The following SLC5A3 variants were observed in gnomAD, a reference collection of about 807,000 sequenced individuals.
The protein encoded by SLC5A3 is sodium/myo-inositol cotransporter.
A neutral mutation model predicts 43.2 loss-of-function variants in SLC5A3; 10 were observed. The ratio of observed to expected loss-of-function variants is 0.23; its 90% CI spans 0.14 to 0.39. The LOEUF is 0.39. Ranked by LOEUF, SLC5A3 falls within the 10% of genes least tolerant of loss-of-function variation. The pLI is 1.00. For missense variants in SLC5A3, 608 were observed against 893.4 expected (o/e 0.68, Z 4.07); for synonymous variants, 349 against 322.0 (o/e 1.08, Z -0.90).
chr21:34,091,546 G>C (rs1978694780), intron 1 of SLC5A3, among the ~76,000 whole-genome samples: 1 of 151,900 alleles, frequency 6.6e-6, no homozygotes, highest in South Asian at 2.1e-4. Flanking sequence ...TTTAAATTTG[G>C]TCTTACCTTT....
At position 34,073,630 on chromosome 21, in the gene SLC5A3, C is replaced by T. The variant is rs945274632; in HGVS notation, c.-452C>T. ...GCAGCAGTTTCTAGGTCCCCACTGT[C>T]CCCGCCGTCCCGCCCCTTCGCGTCC... On this transcript the variant is annotated 5_prime_UTR_variant, in exon 1 of 2. Transcript: ENST00000381151. 3.6e-6 allele frequency: 5 copies of T among 1,372,348 alleles called. No homozygotes were observed. The African/African-American group carries it at 4.5e-5, about 12-fold the overall frequency. 85.0% of individuals were successfully genotyped at this position (1,372,348 alleles called of 1,614,324 possible).
chr21:34,076,230 G>A (rs537374187), intron 1 of SLC5A3, among the ~76,000 whole-genome samples: 1 of 152,304 alleles, frequency 6.6e-6, no homozygotes. Context: ...TCAGCCTGGA[G>A]AGCATTCTTA....
chr21:34,078,804 A>G (rs1323514793), intron 1 of SLC5A3, among the ~76,000 whole-genome samples: 2 of 152,252 alleles, frequency 1.3e-5, no homozygotes, highest in Non-Finnish European at 2.9e-5. Flanking sequence ...TACTCATGTT[A>G]TAAAAAGTTG....
rs1406909593 is a variant in SLC5A3 at position 34,099,044 on chromosome 21, AT to A, written c.*1691del. The stretch of plus-strand genomic sequence containing the variant: ...AACTAGTTTCATTATGATGGACTTG[AT>A]TAGTCCAAAGTTAATTTTAGAAATT... On this transcript the variant is annotated 3_prime_UTR_variant, in exon 2 of 2. Coordinates refer to ENST00000381151, the MANE Select transcript of SLC5A3 (RefSeq NM_006933.7). 1 of 990,970 alleles carries A rather than the reference AT, an allele frequency of 1.0e-6. No individual in the cohort carries two copies. The highest frequency in any genetic ancestry group is 1.8e-5 in the African/African-American group (1 of 57,044). 61.4% of individuals were successfully genotyped at this position (990,970 alleles called of 1,614,324 possible).
Position 34,100,057 on chromosome 21 carries a change from G to A in SLC5A3, c.*2702G>A. The A allele has an allele frequency of 4.0e-6, 4 of 993,858 alleles. No homozygotes were observed. The highest frequency in any genetic ancestry group is 4.9e-6 in the Non-Finnish European group (4 of 824,264). The allele number at this position is 993,858 out of a possible 1,614,324, so 61.6% of individuals were successfully genotyped here. A position where few individuals can be genotyped will look rare whatever the true frequency, so the allele number is the denominator to read the frequency against. The stretch of plus-strand genomic sequence containing the variant: ...AAATGGGTCCTAAATGATGACATTG[G>A]TCTTTAGACATTAACATGTGTATAT... On this transcript the variant is annotated 3_prime_UTR_variant, in exon 2 of 2. Coordinates refer to ENST00000381151, the MANE Select transcript of SLC5A3 (RefSeq NM_006933.7).
chr21:34,090,027 C>G (rs566643857), intron 1 of SLC5A3, among the ~76,000 whole-genome samples: 17 of 152,120 alleles, frequency 1.1e-4, no homozygotes, highest in Non-Finnish European at 2.1e-4. Flanking sequence ...CATCCCAAAC[C>G]CAAAATGCTC....
rs914038311 is a variant in SLC5A3, at chr21:34,099,441, T to C, written c.*2086T>C. On this transcript the variant is annotated 3_prime_UTR_variant, in exon 2 of 2. Coordinates refer to ENST00000381151, the MANE Select transcript of SLC5A3 (RefSeq NM_006933.7). ...TTCCTTTGGGACAACCTTTTGGTGT[T>C]TGGGAAAGTAATAAGATCTTGGATT... is the stretch of plus-strand genomic sequence containing the variant. 5.2e-5 allele frequency: 52 copies of C among 1,000,086 alleles called. No homozygotes were observed. Among genetic ancestry groups the C allele is most frequent in the Non-Finnish European group, 6.0e-5 (50 of 829,956 alleles). The allele number at this position is 1,000,086 out of a possible 1,614,324, so 62.0% of individuals were successfully genotyped here.
chr21:34,088,869 GA>G (rs993020419), intron 1 of SLC5A3, among the ~76,000 whole-genome samples: 5 of 150,634 alleles, frequency 3.3e-5, no homozygotes, highest in African/African-American at 4.9e-5. Context: ...GTTAGTGTAA[GA>G]TTTTTTTTTT....
chr21:34,076,237 C>A (rs965295340), intron 1 of SLC5A3, among the ~76,000 whole-genome samples: 4 of 152,126 alleles, frequency 2.6e-5, no homozygotes, highest in Non-Finnish European at 5.9e-5. Flanking sequence ...GGAGAGCATT[C>A]TTAGTCTGTT....
chr21:34,093,419 A>T (rs1211243587), intron 1 of SLC5A3, among the ~76,000 whole-genome samples: 1 of 152,152 alleles, frequency 6.6e-6, no homozygotes, highest in African/African-American at 2.4e-5. Flanking sequence ...ATTAGACCTA[A>T]GAACCTAATT....
Position 34,096,983 on chromosome 21 carries a change from T to C in SLC5A3, c.1785T>C (p.Ile595=), listed in dbSNP as rs1312390397. ...IIPNGKSEDS[I]KGLQPEDVNL... ...CCAACGGGAAATCTGAAGACAGCATTAAGGGCCTTCAGCCTGAAGATGTTA... is the reference window on the plus strand; with the variant it reads ...CCAACGGGAAATCTGAAGACAGCATCAAGGGCCTTCAGCCTGAAGATGTTA... Residue 595 remains isoleucine, a synonymous_variant, in exon 2 of 2, where the codon ATT becomes ATC. Transcript: ENST00000381151. This position sits in a 1 kb window ranked among gnomAD's most constrained non-coding sequence, Gnocchi z 5.9. 3.1e-6 allele frequency: 5 copies of C among 1,613,906 alleles called. No individual in the cohort carries two copies. The highest frequency in any genetic ancestry group is 3.4e-6 in the Non-Finnish European group (4 of 1,179,984).
chr21:34,080,837 A>G (rs576097604), intron 1 of SLC5A3, among the ~76,000 whole-genome samples: 2 of 152,340 alleles, frequency 1.3e-5, no homozygotes, highest in South Asian at 2.1e-4. Flanking sequence ...GTTATTTGCT[A>G]TGATACAGCG....
At position 34,100,061 on chromosome 21, in the gene SLC5A3, T is replaced by G; in HGVS notation, c.*2706T>G. The G allele has an allele frequency of 1.0e-6, 1 of 995,762 alleles. No homozygotes were observed. The highest frequency in any genetic ancestry group is 1.2e-6 in the Non-Finnish European group (1 of 825,968). The allele number at this position is 995,762 out of a possible 1,614,324, so 61.7% of individuals were successfully genotyped here. ...GGGTCCTAAATGATGACATTGGTCT[T>G]TAGACATTAACATGTGTATATTTTT... On this transcript the variant is annotated 3_prime_UTR_variant, in exon 2 of 2. Transcript: ENST00000381151.
rs1979126661 is a variant in SLC5A3, at chr21:34,099,375, G to A, written c.*2020G>A. On this transcript the variant is annotated 3_prime_UTR_variant, in exon 2 of 2. Coordinates refer to ENST00000381151, the MANE Select transcript of SLC5A3 (RefSeq NM_006933.7). ...TTTGTTCAGATGTGTCTGGACAAATGGTTGTCAATGTTTTGTCCTGTTTTT... is the reference window on the plus strand; with the variant it reads ...TTTGTTCAGATGTGTCTGGACAAATAGTTGTCAATGTTTTGTCCTGTTTTT... 10 of 1,000,076 alleles carry A rather than the reference G, an allele frequency of 1.0e-5. 1 individual carries two copies. In the South Asian group the frequency reaches 4.7e-4, roughly 47 times the overall value. 62.0% of individuals were successfully genotyped at this position (1,000,076 alleles called of 1,614,324 possible).
In SLC5A3 at chr21:34,096,159, AGGAT is replaced by A; in HGVS notation, c.962_965del (p.Arg321AsnfsTer7). ...CATAGTTGTCCCAGGAATGATTTCC[AGGAT>A]ACTGTTTACTGATGATATAGCTTGC... On this transcript the variant is annotated frameshift_variant, in exon 2 of 2. Coordinates refer to ENST00000381151, the MANE Select transcript of SLC5A3 (RefSeq NM_006933.7). LOFTEE classifies it high-confidence loss of function. This position sits in a 1 kb window ranked among gnomAD's most constrained non-coding sequence, Gnocchi z 5.9. 1 of 1,614,098 alleles carries A rather than the reference AGGAT, an allele frequency of 6.2e-7. No individual in the cohort carries two copies. The highest frequency in any genetic ancestry group is 8.5e-7 in the Non-Finnish European group (1 of 1,179,958).
Position 34,102,789 on chromosome 21 carries a change from A to G in SLC5A3, c.*5434A>G. Reference sequence around the variant, plus strand: ...CTCTATACCACTGAAAAGCACTATAACATAATTGTTGTCCATGATACTGAA... The same window carrying G: ...CTCTATACCACTGAAAAGCACTATAGCATAATTGTTGTCCATGATACTGAA... On this transcript the variant is annotated 3_prime_UTR_variant, in exon 2 of 2. Transcript: ENST00000381151. 1.0e-6 allele frequency: 1 copy of G among 1,000,142 alleles called. No individual in the cohort carries two copies. The highest frequency in any genetic ancestry group is 1.2e-6 in the Non-Finnish European group (1 of 829,882). 62.0% of individuals were successfully genotyped at this position (1,000,142 alleles called of 1,614,324 possible). A position where few individuals can be genotyped will look rare whatever the true frequency, so the allele number is the denominator to read the frequency against.
intron 1 of SLC5A3, among the ~76,000 whole-genome samples, chr21:34,093,312 T>TA (rs199915043): frequency 0.011 from 1,733 of 152,144 alleles, 38 homozygotes; most frequent in South Asian, 0.08. Context: ...AGAAAGGATT[T>TA]AAATCACTTT....
At position 34,096,215 on chromosome 21, in the gene SLC5A3, G is replaced by A. The variant is rs1978957904; in HGVS notation, c.1017G>A (p.Val339=). Residue 339 remains valine, a synonymous_variant, in exon 2 of 2, where the codon GTG becomes GTA. Coordinates refer to ENST00000381151, the MANE Select transcript of SLC5A3 (RefSeq NM_006933.7). This position sits in a 1 kb window ranked among gnomAD's most constrained non-coding sequence, Gnocchi z 5.9. Reference sequence around the variant, plus strand: ...TCAACCCAGAGCACTGCATGCTGGTGTGTGGAAGCAGAGCTGGTTGCTCCA... The same window carrying A: ...TCAACCCAGAGCACTGCATGCTGGTATGTGGAAGCAGAGCTGGTTGCTCCA... The part of the protein sequence containing the change: ...ACINPEHCML[V]CGSRAGCSNI... 2 of 1,614,054 alleles carry A rather than the reference G, an allele frequency of 1.2e-6. No homozygotes were observed. Among genetic ancestry groups the A allele is most frequent in the Admixed American group, 1.7e-5 (1 of 60,010 alleles).
intron 1 of SLC5A3, among the ~76,000 whole-genome samples, chr21:34,094,545 C>T (rs955423354): frequency 2.0e-5 from 3 of 152,084 alleles, no homozygotes; most frequent in Non-Finnish European, 4.4e-5. Flanking sequence ...AGTGCCTGTC[C>T]TAATCTGAGC....
Sources: allele counts gnomAD v4.1 joint callset (sites outside exome capture counted in the v4.1 genomes callset), GRCh38; gene constraint gnomAD v4.1.1; non-coding constraint Gnocchi (gnomAD v3.1); transcripts MANE v1.5; gene names NCBI Gene and HGNC (gene_info 2026-07-23, HGNC 2026-07-21).